Variants in TAS2R1 observed in about 807,000 individuals in gnomAD.
The protein encoded by TAS2R1 is taste 2 receptor member 1.
For synonymous variants in TAS2R1, 141 were observed against 134.2 expected, an observed-to-expected ratio of 1.05 and a Z score of -0.35; for missense variants, 370 against 353.4, an observed-to-expected ratio of 1.05 and a Z score of -0.38.
chr5:9,739,770 A>G, the TAS2R1 span, among the ~76,000 whole-genome samples: 1 of 152,200 alleles, frequency 6.6e-6, no homozygotes, highest in Non-Finnish European at 1.5e-5. Flanking sequence ...AGCACTCCCA[A>G]CTCAGAACAC....
At chr5:9,718,311 G>A in the TAS2R1 span, among the ~76,000 whole-genome samples, 1 of 151,216 alleles carries the variant, frequency 6.6e-6, no homozygotes, top group Admixed American at 6.6e-5. Context: ...AGAAAAATTT[G>A]CAACATACAT....
At chr5:9,829,387 G>T in the TAS2R1 span, among the ~76,000 whole-genome samples, 1 of 152,058 alleles carries the variant, frequency 6.6e-6, no homozygotes, top group South Asian at 2.1e-4. Context: ...ATAACACAGG[G>T]AAGGGACCAG....
At chr5:9,756,109 A>G in the TAS2R1 span, among the ~76,000 whole-genome samples, 1 of 152,234 alleles carries the variant, frequency 6.6e-6, no homozygotes, top group Non-Finnish European at 1.5e-5. Context: ...GGCAGCATCT[A>G]AATGACATCA....
chr5:9,631,563 C>T (rs765777423), upstream of TAS2R1, among the ~76,000 whole-genome samples: 1 of 152,180 alleles, frequency 6.6e-6, no homozygotes, highest in East Asian at 1.9e-4. Flanking sequence ...TTAGACAATT[C>T]ATCACCAGAG....
At chr5:9,840,885 T>A in the TAS2R1 span, among the ~76,000 whole-genome samples, 5 of 96,830 alleles carry the variant, frequency 5.2e-5, no homozygotes, top group Admixed American at 3.4e-4. Flanking sequence ...TTTTTTTTTT[T>A]TTTTTTTTGA....
At chr5:9,816,124 A>T in the TAS2R1 span, among the ~76,000 whole-genome samples, 1 of 152,190 alleles carries the variant, frequency 6.6e-6, no homozygotes, top group Non-Finnish European at 1.5e-5. Flanking sequence ...ATCATAAAAT[A>T]AAATCATGAG....
At chr5:9,747,678 C>T in the TAS2R1 span, among the ~76,000 whole-genome samples, 1 of 152,060 alleles carries the variant, frequency 6.6e-6, no homozygotes, top group Non-Finnish European at 1.5e-5. Flanking sequence ...CAAATTTCAA[C>T]GTGCAGCATA....
At chr5:9,687,091 A>G (rs549102916) in intron 1 of TAS2R1, among the ~76,000 whole-genome samples, 3 of 152,218 alleles carry the variant, frequency 2.0e-5, no homozygotes, top group Admixed American at 6.5e-5. Context: ...CAGCCTCCCA[A>G]GTAGCTGGGA....
the TAS2R1 span, among the ~76,000 whole-genome samples, chr5:9,845,952 T>G: frequency 6.6e-6 from 1 of 151,960 alleles, no homozygotes; most frequent in Non-Finnish European, 1.5e-5. Context: ...AAATGCCAAA[T>G]AAAATGTAAA....
chr5:9,656,725 CAG>C (rs1159542533), intron 2 of TAS2R1, among the ~76,000 whole-genome samples: 7 of 152,148 alleles, frequency 4.6e-5, no homozygotes, highest in Admixed American at 4.6e-4. Context: ...CCCTGTGGCC[CAG>C]TCAAGTTGAC....
At chr5:9,742,151 C>T in the TAS2R1 span, among the ~76,000 whole-genome samples, 1 of 152,136 alleles carries the variant, frequency 6.6e-6, no homozygotes, top group Non-Finnish European at 1.5e-5. Context: ...TCCCAAAGAG[C>T]TGGGATTACA....
the TAS2R1 span, among the ~76,000 whole-genome samples, chr5:9,894,416 GA>G: frequency 3.5e-5 from 1 of 28,782 alleles, no homozygotes; most frequent in African/African-American, 1.1e-4. Flanking sequence ...AAAAAAAACA[GA>G]AGAGGAAATT....
At chr5:9,710,847 C>T (rs1038766060) in intron 1 of TAS2R1, among the ~76,000 whole-genome samples, 1 of 148,928 alleles carries the variant, frequency 6.7e-6, no homozygotes, top group African/African-American at 2.5e-5. Flanking sequence ...GATAGCACCC[C>T]ACACCTGTTA....
At chr5:9,881,018 G>T in the TAS2R1 span, among the ~76,000 whole-genome samples, 3 of 152,216 alleles carry the variant, frequency 2.0e-5, no homozygotes, top group South Asian at 6.2e-4. Flanking sequence ...AGTCTCCGTG[G>T]ATCAGCAGAC....
chr5:9,846,684 C>A, the TAS2R1 span, among the ~76,000 whole-genome samples: 5 of 65,124 alleles, frequency 7.7e-5, no homozygotes, highest in Non-Finnish European at 1.9e-4. Context: ...ACACACATTG[C>A]ACACACACAC....
At chr5:9,696,124 G>T (rs368758821) in intron 1 of TAS2R1, among the ~76,000 whole-genome samples, 6 of 152,074 alleles carry the variant, frequency 3.9e-5, no homozygotes, top group African/African-American at 1.4e-4. Context: ...ACCCGGTAGA[G>T]TCAATATTCA....
At chr5:9,720,235 A>G in the TAS2R1 span, among the ~76,000 whole-genome samples, 1 of 152,246 alleles carries the variant, frequency 6.6e-6, no homozygotes, top group African/African-American at 2.4e-5. Context: ...TCTCTGTAGC[A>G]TTCAACAAAA....
chr5:9,828,373 G>A, the TAS2R1 span, among the ~76,000 whole-genome samples: 2 of 151,922 alleles, frequency 1.3e-5, no homozygotes, highest in Non-Finnish European at 2.9e-5. Context: ...TGATCTGCCC[G>A]CCTCAGGCTC....
At chr5:9,808,299 T>C in the TAS2R1 span, among the ~76,000 whole-genome samples, 3 of 152,184 alleles carry the variant, frequency 2.0e-5, no homozygotes, top group African/African-American at 4.8e-5. Flanking sequence ...CCCTATTATA[T>C]AGTGGCAAAG....
Sources: gnomAD v4.1 joint callset for allele counts (sites outside exome capture counted in the v4.1 genomes callset) on GRCh38, gnomAD v4.1.1 for gene constraint, MANE v1.5 for transcripts, NCBI Gene and HGNC (gene_info 2026-07-23, HGNC 2026-07-21) for gene names.